Variants in NGF observed in about 807,000 individuals in gnomAD.
NGF encodes the protein beta-nerve growth factor.
Under a neutral mutation model 12.8 loss-of-function variants are expected in NGF, and 4 were observed. The observed-to-expected ratio is 0.31, with a 90% CI of 0.15 to 0.72. NGF has a LOEUF of 0.72. Ranked by LOEUF, NGF falls within the 30% of genes least tolerant of loss-of-function variation. The pLI, the probability that NGF is intolerant of heterozygous loss-of-function variation, is 0.69. For missense variants in NGF, 283 were observed against 330.8 expected, an observed-to-expected ratio of 0.86 and a Z score of 1.12; for synonymous variants, 140 against 130.0, an observed-to-expected ratio of 1.08 and a Z score of -0.52.
At chr1:115,293,383 T>C (rs1653764322) in intron 2 of NGF, among the ~76,000 whole-genome samples, 1 of 152,168 alleles carries the variant, frequency 6.6e-6, no homozygotes, top group Non-Finnish European at 1.5e-5. Context: ...TTTAGACCCT[T>C]GATGCAGCTC....
chr1:115,311,706 C>T (rs1043604589), intron 1 of NGF, among the ~76,000 whole-genome samples: 11 of 151,942 alleles, frequency 7.2e-5, no homozygotes, highest in African/African-American at 2.7e-4. Flanking sequence ...TGTTTACTTA[C>T]AAAATTAAGT....
chr1:115,336,543 A>G (rs1183903218), intron 1 of NGF, among the ~76,000 whole-genome samples: 4 of 152,190 alleles, frequency 2.6e-5, no homozygotes, highest in South Asian at 2.1e-4. Context: ...ACTGCCCATC[A>G]TGAATTGACA....
At chr1:115,292,697 G>C (rs186713778) in intron 2 of NGF, among the ~76,000 whole-genome samples, 98 of 152,234 alleles carry the variant, frequency 6.4e-4, no homozygotes, top group African/African-American at 2.1e-3. Flanking sequence ...ACTGATAGGT[G>C]GTGGGGTGAG....
intron 1 of NGF, among the ~76,000 whole-genome samples, chr1:115,306,771 T>C (rs1654214710): frequency 6.6e-6 from 1 of 152,200 alleles, no homozygotes; most frequent in Non-Finnish European, 1.5e-5. Flanking sequence ...TTCTCAAGAA[T>C]AGTGAGTATG....
chr1:115,297,913 C>A (rs1044877407), intron 1 of NGF, among the ~76,000 whole-genome samples: 1 of 152,162 alleles, frequency 6.6e-6, no homozygotes, highest in African/African-American at 2.4e-5. Context: ...TTGTAAAGCT[C>A]CCTAGGTGAT....
chr1:115,333,200 A>G (rs1654971257), intron 1 of NGF, among the ~76,000 whole-genome samples: 1 of 152,152 alleles, frequency 6.6e-6, no homozygotes, highest in Non-Finnish European at 1.5e-5. Context: ...CTACTGAAGG[A>G]GCAGCCAAAG....
intron 1 of NGF, among the ~76,000 whole-genome samples, chr1:115,309,917 C>G (rs1402496367): frequency 1.3e-5 from 2 of 152,142 alleles, no homozygotes; most frequent in Non-Finnish European, 2.9e-5. Context: ...GAGGTTTTAT[C>G]CTAAGAAAAT....
At chr1:115,337,267 G>GTTTTTTTTTTTTTTTTTTTTTTTT (rs67307707) in intron 1 of NGF, among the ~76,000 whole-genome samples, 4 of 81,026 alleles carry the variant, frequency 4.9e-5, no homozygotes, top group Non-Finnish European at 9.4e-5. Context: ...TTTTGTTTTT[G>GTTTTTTTTTTTTTTTTTTTTTTTT]TTTTTTTTTT....
chr1:115,321,959 G>GA (rs1654643406), intron 1 of NGF, among the ~76,000 whole-genome samples: 1 of 152,234 alleles, frequency 6.6e-6, no homozygotes, highest in African/African-American at 2.4e-5. Context: ...ATTAGCTTGA[G>GA]ATAGACGTGG....
intron 1 of NGF, among the ~76,000 whole-genome samples, chr1:115,306,538 C>T (rs1033011847): frequency 1.3e-5 from 2 of 152,170 alleles, no homozygotes; most frequent in Non-Finnish European, 2.9e-5. Flanking sequence ...ATAAAAATCT[C>T]ACACTACAAA....
At chr1:115,317,277 C>G (rs900944848) in intron 1 of NGF, among the ~76,000 whole-genome samples, 4 of 152,100 alleles carry the variant, frequency 2.6e-5, no homozygotes, top group African/African-American at 9.7e-5. Context: ...CATCCTACAG[C>G]ACATTAGCAG....
chr1:115,301,309 T>C (rs1260917665), intron 1 of NGF, among the ~76,000 whole-genome samples: 6 of 152,164 alleles, frequency 3.9e-5, no homozygotes, highest in African/African-American at 7.2e-5. Flanking sequence ...TCTCAATCTT[T>C]AGCAAGAGAC....
intron 1 of NGF, among the ~76,000 whole-genome samples, chr1:115,298,633 A>G (rs555430890): frequency 1.4e-4 from 22 of 152,016 alleles, no homozygotes; most frequent in African/African-American, 5.1e-4. Context: ...GGGACTAGCC[A>G]TTGCTTTGGA....
At chr1:115,292,460 A>G (rs1365725566) in intron 2 of NGF, among the ~76,000 whole-genome samples, 4 of 152,140 alleles carry the variant, frequency 2.6e-5, no homozygotes, top group Non-Finnish European at 5.9e-5. Context: ...CATTTCTAGT[A>G]AGTTTCCAGA....
At chr1:115,322,231 C>T (rs183890587) in intron 1 of NGF, among the ~76,000 whole-genome samples, 37 of 152,272 alleles carry the variant, frequency 2.4e-4, no homozygotes, top group South Asian at 1.0e-3. Context: ...TAAGTCTGGG[C>T]GCCTTGCTCT....
At chr1:115,320,552 C>T (rs1391838392) in intron 1 of NGF, among the ~76,000 whole-genome samples, 3 of 152,184 alleles carry the variant, frequency 2.0e-5, no homozygotes, top group South Asian at 2.1e-4. Context: ...GGCAGGTAGC[C>T]TAGAGAGCAG....
At chr1:115,319,506 C>A (rs1557944761) in intron 1 of NGF, among the ~76,000 whole-genome samples, 2 of 152,240 alleles carry the variant, frequency 1.3e-5, no homozygotes, top group African/African-American at 2.4e-5. Context: ...GATGGCTGCT[C>A]ATCCTTGCTT....
intron 1 of NGF, among the ~76,000 whole-genome samples, chr1:115,300,413 T>C (rs182452565): frequency 3.9e-5 from 6 of 152,322 alleles, no homozygotes; most frequent in Admixed American, 3.9e-4. Flanking sequence ...AAGTGTCCAT[T>C]AGATGAGGCC....
chr1:115,317,745 TCAC>T (rs1654510023), intron 1 of NGF, among the ~76,000 whole-genome samples: 1 of 152,258 alleles, frequency 6.6e-6, no homozygotes, highest in Non-Finnish European at 1.5e-5. Flanking sequence ...AACACCTTGC[TCAC>T]TGTGTAACTT....
Sources: allele counts gnomAD v4.1 joint callset (sites outside exome capture counted in the v4.1 genomes callset), GRCh38; gene constraint gnomAD v4.1.1; transcripts MANE v1.5; gene names NCBI Gene and HGNC (gene_info 2026-07-23, HGNC 2026-07-21).